Variants in RIMBP2 observed in about 807,000 individuals in gnomAD.
The protein encoded by RIMBP2 is RIMS-binding protein 2.
RIMBP2 carries 48 observed loss-of-function variants against 118.6 expected under a neutral mutation model. That is an observed-to-expected ratio of 0.40 (90% confidence interval 0.32 to 0.51). RIMBP2 has a LOEUF of 0.51. Among genes scored for constraint, RIMBP2 ranks in the 20% least tolerant of loss-of-function variants. The pLI, the probability that RIMBP2 is intolerant of heterozygous loss-of-function variation, is 0.41. For missense variants in RIMBP2, 1,551 were observed against 1,768.3 expected, an observed-to-expected ratio of 0.88 and a Z score of 2.20; for synonymous variants, 762 against 742.9, an observed-to-expected ratio of 1.03 and a Z score of -0.42.
chr12:130,552,934 C>T (rs1011104098), intron 2 of RIMBP2, among the ~76,000 whole-genome samples: 9 of 151,984 alleles, frequency 5.9e-5, no homozygotes, highest in Non-Finnish European at 1.3e-4. Context: ...AGGCGGATCA[C>T]GAGGTCAGGA....
chr12:130,527,512 C>A (rs1027821365), intron 2 of RIMBP2, among the ~76,000 whole-genome samples: 2 of 152,166 alleles, frequency 1.3e-5, no homozygotes, highest in Non-Finnish European at 2.9e-5. Flanking sequence ...GTTCCTAACA[C>A]AAGTTAGAGA....
intron 2 of RIMBP2, among the ~76,000 whole-genome samples, chr12:130,611,241 T>A (rs1013013920): frequency 6.6e-6 from 1 of 152,174 alleles, no homozygotes; most frequent in African/African-American, 2.4e-5. Context: ...TCCCCTCCCA[T>A]CCCACGAGCT....
At chr12:130,548,165 G>A (rs943106845) in intron 2 of RIMBP2, among the ~76,000 whole-genome samples, 19 of 152,124 alleles carry the variant, frequency 1.2e-4, no homozygotes, top group Admixed American at 7.9e-4. Flanking sequence ...AGAAGCCCAC[G>A]GCTTGTTCCA....
At position 130,622,700 on chromosome 12, in the gene RIMBP2, G is replaced by T. The variant is rs2061389472; in HGVS notation, c.-217+5622C>A. Among the ~76,000 whole-genome samples the T allele has an allele frequency of 6.6e-6, 1 of 152,120 alleles. No individual in the cohort carries two copies. Among genetic ancestry groups the T allele is most frequent in the South Asian group, 2.1e-4 (1 of 4,818 alleles). On this transcript the variant is annotated intron_variant, in intron 2 of 22. Transcript: ENST00000690449. This position sits in a 1 kb window ranked among gnomAD's most constrained non-coding sequence, Gnocchi z 8.5. ...TGACCATAGCTAGCTAGGGTTTGTT[G>T]ATTGTTTTTGTCTATTTTATTGCCT...
At chr12:130,534,850 G>T (rs1486109319) in intron 2 of RIMBP2, among the ~76,000 whole-genome samples, 1 of 152,220 alleles carries the variant, frequency 6.6e-6, no homozygotes, top group Admixed American at 6.5e-5. Context: ...GGCACAAAGA[G>T]GAGAGTGTCT....
intron 21 of RIMBP2, among the ~76,000 whole-genome samples, chr12:130,402,354 A>G (rs4759673): frequency 0.83 from 126,653 of 151,938 alleles, 53,234 homozygotes; most frequent in East Asian, 0.96. Flanking sequence ...AGGCTCCCCC[A>G]GACGACATTC....
intron 2 of RIMBP2, among the ~76,000 whole-genome samples, chr12:130,601,595 T>C (rs2059888363): frequency 6.6e-6 from 1 of 152,212 alleles, no homozygotes; most frequent in Non-Finnish European, 1.5e-5. Flanking sequence ...GAGAGGTTTA[T>C]GAGCTCTGTA....
chr12:130,399,906 A>T, intron 21 of RIMBP2, 93 bp from the exon 22 acceptor site: 1 of 1,388,126 alleles, frequency 7.2e-7, no homozygotes, highest in Non-Finnish European at 9.9e-7. Context: ...GAGTACAGGT[A>T]CATGGTGAGT....
intron 7 of RIMBP2, among the ~76,000 whole-genome samples, chr12:130,455,362 C>A (rs952546571): frequency 6.6e-5 from 10 of 152,148 alleles, no homozygotes; most frequent in African/African-American, 2.4e-4. Context: ...AGGCTCCCCA[C>A]GTATCGTCTG....
At position 130,520,681 on chromosome 12, in the gene RIMBP2, A is replaced by G. The variant is rs887898744; in HGVS notation, c.-216-2764T>C. ...GAGTGAAACTCCATCTCAAAAAAAA[A>G]AAAAAAAAAAAAAGCCAGTCACAGG... On this transcript the variant is annotated intron_variant, in intron 2 of 22. Coordinates refer to ENST00000690449, the MANE Select transcript of RIMBP2 (RefSeq NM_001393629.1). 4.8e-4 allele frequency among the ~76,000 whole-genome samples: 72 copies of G among 151,086 alleles called. 1 individual carries two copies. The highest frequency in any genetic ancestry group is 1.4e-3 in the African/African-American group (58 of 41,304).
chr12:130,407,609 G>A (rs768249176), intron 20 of RIMBP2, 117 bp downstream of exon 20: 21 of 849,928 alleles, frequency 2.5e-5, no homozygotes, highest in South Asian at 1.4e-4. Context: ...CCCTTCCTAC[G>A]GATGGTTCGG....
At chr12:130,403,988 G>C (rs963948576) in intron 21 of RIMBP2, among the ~76,000 whole-genome samples, 1 of 152,130 alleles carries the variant, frequency 6.6e-6, no homozygotes, top group African/African-American at 2.4e-5. Context: ...TGTAAAATAT[G>C]AGTGGTATTC....
Position 130,609,633 on chromosome 12 carries a change from C to T in RIMBP2, c.-217+18689G>A, listed in dbSNP as rs1050209871. ...TTTGGGGAGTTTCCTCGTGTGATTA[C>T]AGAGGCCAATAAGTCCCATGATCTG... On this transcript the variant is annotated intron_variant, in intron 2 of 22. Transcript: ENST00000690449. 6.1e-5 allele frequency among the ~76,000 whole-genome samples: 8 copies of T among 131,268 alleles called. 1 individual carries two copies. Among genetic ancestry groups the T allele is most frequent in the African/African-American group, 2.2e-4 (8 of 35,954 alleles). The allele number at this position is 131,268 out of a possible 152,430, so 86.1% of individuals were successfully genotyped here. A position where few individuals can be genotyped will look rare whatever the true frequency, so the allele number is the denominator to read the frequency against.
chr12:130,709,297 A>G (rs764994961), intron 1 of RIMBP2, among the ~76,000 whole-genome samples: 4 of 152,204 alleles, frequency 2.6e-5, no homozygotes, highest in Non-Finnish European at 4.4e-5. Context: ...CCCTTCCCAC[A>G]GAGACAATTA....
intron 1 of RIMBP2, among the ~76,000 whole-genome samples, chr12:130,674,396 T>G (rs1354593448): frequency 1.3e-5 from 2 of 152,150 alleles, no homozygotes; most frequent in African/African-American, 4.8e-5. Context: ...GAGAATGGAC[T>G]CACACAGAAC....
intron 3 of RIMBP2, among the ~76,000 whole-genome samples, chr12:130,516,340 G>A (rs1159226853): frequency 6.6e-6 from 1 of 152,250 alleles, no homozygotes; most frequent in African/African-American, 2.4e-5. Context: ...TTCAATAGAT[G>A]TTGACTGAGC....
chr12:130,440,866 G>C (rs746258495), intron 11 of RIMBP2, among the ~76,000 whole-genome samples: 1 of 152,136 alleles, frequency 6.6e-6, no homozygotes, highest in Non-Finnish European at 1.5e-5. Context: ...TATCAGAGCG[G>C]GCAGTGGAGG....
chr12:130,625,482 T>A (rs374726224), intron 2 of RIMBP2, among the ~76,000 whole-genome samples: 7 of 152,280 alleles, frequency 4.6e-5, no homozygotes, highest in Admixed American at 3.3e-4. Flanking sequence ...TCAGAGAGCC[T>A]CCTCTTCCAA....
chr12:130,463,166 C>A (rs1158505547), intron 6 of RIMBP2, among the ~76,000 whole-genome samples: 1 of 152,202 alleles, frequency 6.6e-6, no homozygotes, highest in Non-Finnish European at 1.5e-5. Context: ...TGGTCCTGCC[C>A]CAGGCAGGCG....
Sources: gnomAD v4.1 joint callset for allele counts (sites outside exome capture counted in the v4.1 genomes callset) on GRCh38, gnomAD v4.1.1 for gene constraint, Gnocchi (gnomAD v3.1) non-coding constraint, MANE v1.5 for transcripts, NCBI Gene and HGNC (gene_info 2026-07-23, HGNC 2026-07-21) for gene names.